APBB2: variants seen among roughly 807,000 people sequenced by gnomAD.
APBB2 encodes amyloid beta precursor protein binding family B member 2, also known as Fe65-like 1.
A neutral mutation model predicts 82.5 loss-of-function variants in APBB2; 38 were observed. The observed-to-expected ratio is 0.46, with a 90% CI of 0.36 to 0.60. APBB2 has a LOEUF of 0.60. Ranked by LOEUF, APBB2 falls within the 20% of genes least tolerant of loss-of-function variation. The pLI is 0.00. For missense variants in APBB2, 772 were observed against 972.3 expected (o/e 0.79, Z 2.74); for synonymous variants, 341 against 368.2 (o/e 0.93, Z 0.85).
intron 1 of APBB2, among the ~76,000 whole-genome samples, chr4:41,157,522 G>C (rs911635189): frequency 6.6e-6 from 1 of 152,130 alleles, no homozygotes; most frequent in Admixed American, 6.5e-5. Context: ...GCAAATATGA[G>C]AGATGGAATT....
intron 4 of APBB2, among the ~76,000 whole-genome samples, chr4:41,056,269 G>T (rs1391597638): frequency 6.6e-6 from 1 of 151,944 alleles, no homozygotes; most frequent in Non-Finnish European, 1.5e-5. Context: ...TGTTCTTATT[G>T]GCATATGCAC....
chr4:41,033,290 GT>G lies in APBB2; in HGVS notation c.-37del. On this transcript the variant is annotated 5_prime_UTR_variant, in exon 5 of 18. The change abolishes the stop of an existing upstream ORF in the 5' untranslated region. Coordinates refer to ENST00000508593, the MANE Select transcript of APBB2 (RefSeq NM_004307.2). The stretch of plus-strand genomic sequence containing the variant: ...GCGTCAGCAATGGTGCAGGAAATAG[GT>G]TATAATTTGAAATCTAAAAAGAAGG... 6.3e-7 allele frequency: 1 copy of G among 1,581,272 alleles called. No individual in the cohort carries two copies.
At chr4:40,934,203 A>G (rs1219788428) in intron 10 of APBB2, among the ~76,000 whole-genome samples, 1 of 152,172 alleles carries the variant, frequency 6.6e-6, no homozygotes, top group East Asian at 1.9e-4. Context: ...AATAATGGTA[A>G]TTTATTACAT....
At chr4:40,964,848 T>C (rs184747980) in intron 6 of APBB2, among the ~76,000 whole-genome samples, 581 of 151,214 alleles carry the variant, frequency 3.8e-3, no homozygotes, top group Admixed American at 5.9e-3. Flanking sequence ...TAGCCGGTAG[T>C]GGTGGCTCAC....
intron 1 of APBB2, among the ~76,000 whole-genome samples, chr4:41,168,970 A>G (rs1400619806): frequency 6.6e-6 from 1 of 151,980 alleles, no homozygotes; most frequent in Non-Finnish European, 1.5e-5. Flanking sequence ...GCGGATCACA[A>G]GGTCAAGAGA....
chr4:41,189,675 T>C (rs1351881022), intron 1 of APBB2, among the ~76,000 whole-genome samples: 1 of 152,196 alleles, frequency 6.6e-6, no homozygotes, highest in Admixed American at 6.5e-5. Flanking sequence ...TATACTTCTC[T>C]CTCCTGAGGA....
chr4:40,845,707 C>T (rs13125666), intron 12 of APBB2, among the ~76,000 whole-genome samples: 66,065 of 151,060 alleles, frequency 0.44, 14,954 homozygotes, highest in Non-Finnish European at 0.49. Context: ...TCTCATGCTG[C>T]GCACAACTGT....
intron 1 of APBB2, among the ~76,000 whole-genome samples, chr4:41,212,118 TAAAAG>T (rs1580876023): frequency 6.6e-6 from 1 of 152,062 alleles, no homozygotes; most frequent in East Asian, 1.9e-4. Flanking sequence ...AACAGAAAAA[TAAAAG>T]AATTCAATGT....
At chr4:40,976,063 A>G (rs1357739559) in intron 6 of APBB2, among the ~76,000 whole-genome samples, 1 of 152,162 alleles carries the variant, frequency 6.6e-6, no homozygotes, top group African/African-American at 2.4e-5. Context: ...CAAAAATATT[A>G]GGAAAACTAT....
chr4:40,850,274 CT>C (rs1176701187), intron 12 of APBB2, among the ~76,000 whole-genome samples: 1 of 152,124 alleles, frequency 6.6e-6, no homozygotes, highest in Non-Finnish European at 1.5e-5. Context: ...CTGTGCCCGG[CT>C]TTGTAACACC....
intron 1 of APBB2, among the ~76,000 whole-genome samples, chr4:41,183,876 A>G (rs1481955435): frequency 6.6e-6 from 1 of 152,088 alleles, no homozygotes; most frequent in Non-Finnish European, 1.5e-5. Context: ...CAAGCGCACT[A>G]CAGTTATTGT....
At chr4:41,128,978 C>T (rs1034309491) in intron 2 of APBB2, among the ~76,000 whole-genome samples, 3 of 152,124 alleles carry the variant, frequency 2.0e-5, no homozygotes, top group East Asian at 1.9e-4. Flanking sequence ...GCCCCAGTGA[C>T]GAGCCAGAAG....
chr4:41,145,681 T>C (rs1382947740), intron 1 of APBB2, among the ~76,000 whole-genome samples: 1 of 152,194 alleles, frequency 6.6e-6, no homozygotes, highest in Non-Finnish European at 1.5e-5. Flanking sequence ...TTTCTGGTCC[T>C]AGCACTGGCC....
At chr4:40,967,116 T>C (rs1165097091) in intron 6 of APBB2, among the ~76,000 whole-genome samples, 1 of 152,052 alleles carries the variant, frequency 6.6e-6, no homozygotes, top group African/African-American at 2.4e-5. Flanking sequence ...GCTAACCCAG[T>C]GGGTTTCCTC....
chr4:40,959,509 A>G (rs954187541), intron 6 of APBB2, among the ~76,000 whole-genome samples: 1 of 152,188 alleles, frequency 6.6e-6, no homozygotes, highest in Non-Finnish European at 1.5e-5. Flanking sequence ...ATCAACTCCA[A>G]CGTCATTATT....
chr4:40,996,832 C>T (rs943437604), intron 6 of APBB2, among the ~76,000 whole-genome samples: 1 of 152,142 alleles, frequency 6.6e-6, no homozygotes, highest in African/African-American at 2.4e-5. Context: ...TCATAATCAC[C>T]TGCCTCCTTT....
At chr4:40,878,369 C>G (rs527888613) in intron 12 of APBB2, among the ~76,000 whole-genome samples, 2 of 151,436 alleles carry the variant, frequency 1.3e-5, no homozygotes, top group South Asian at 4.2e-4. Context: ...CAAAACAAAA[C>G]AAAAAAAACA....
At chr4:40,882,375 G>A (rs1237961869) in intron 12 of APBB2, among the ~76,000 whole-genome samples, 2 of 152,154 alleles carry the variant, frequency 1.3e-5, no homozygotes, top group East Asian at 3.9e-4. Flanking sequence ...GTGTCCCTAG[G>A]CTTGAAGGAG....
At chr4:40,948,052 A>G (rs1231909139) in intron 6 of APBB2, among the ~76,000 whole-genome samples, 1 of 152,260 alleles carries the variant, frequency 6.6e-6, no homozygotes, top group African/African-American at 2.4e-5. Flanking sequence ...ACTAACATTT[A>G]TCTATCCCTT....
Sources: allele counts gnomAD v4.1 joint callset (sites outside exome capture counted in the v4.1 genomes callset), GRCh38; gene constraint gnomAD v4.1.1; transcripts MANE v1.5; gene names NCBI Gene and HGNC (gene_info 2026-07-23, HGNC 2026-07-21).